The following TRIO variants were observed in gnomAD, a reference collection of about 807,000 sequenced individuals.
TRIO encodes the protein triple functional domain protein.
TRIO carries 58 observed loss-of-function variants against 351.9 expected under a neutral mutation model. The ratio of observed to expected loss-of-function variants is 0.16; its 90% CI spans 0.13 to 0.21. The LOEUF is 0.21. Ranked by LOEUF, TRIO falls within the 10% of genes least tolerant of loss-of-function variation. The probability of loss-of-function intolerance (pLI) is 1.00; values close to 1 mark genes in which losing one functional copy is unlikely to be tolerated. For synonymous variants in TRIO, 1,758 were observed against 1,595.7 expected (o/e 1.10, Z -2.42); for missense variants, 3,201 against 4,027.8 (o/e 0.79, Z 5.56).
At chr5:14,405,572 G>C (rs1748632522) in intron 31 of TRIO, among the ~76,000 whole-genome samples, 1 of 152,208 alleles carries the variant, frequency 6.6e-6, no homozygotes, top group South Asian at 2.1e-4. Flanking sequence ...GCCCAGGGCT[G>C]CTTAAAAGGT....
chr5:14,422,596 A>C (rs533256679), intron 34 of TRIO, among the ~76,000 whole-genome samples: 3 of 152,236 alleles, frequency 2.0e-5, no homozygotes, highest in Non-Finnish European at 4.4e-5. Context: ...GCTCAGGTTC[A>C]CGTGGTGGTT....
At chr5:14,485,857 G>A (rs545363737) in intron 47 of TRIO, among the ~76,000 whole-genome samples, 66 of 152,224 alleles carry the variant, frequency 4.3e-4, no homozygotes, top group African/African-American at 1.2e-3. Flanking sequence ...GCGTGGTGGC[G>A]CATGCCTGTA....
chr5:14,195,893 G>C (rs377715441), intron 1 of TRIO, among the ~76,000 whole-genome samples: 14 of 152,098 alleles, frequency 9.2e-5, no homozygotes, highest in South Asian at 6.2e-4. Flanking sequence ...CTTTCAGTGT[G>C]GGGGTGGGGA....
At chr5:14,192,400 C>T (rs991829283) in intron 1 of TRIO, among the ~76,000 whole-genome samples, 3 of 151,970 alleles carry the variant, frequency 2.0e-5, no homozygotes, top group African/African-American at 7.3e-5. Context: ...GCTGGGACTA[C>T]AGGTGTATGT....
At chr5:14,366,807 A>C (rs1449406851) in intron 15 of TRIO, 53 bp from the exon 16 acceptor site, 2 of 1,610,818 alleles carry the variant, frequency 1.2e-6, no homozygotes, top group Admixed American at 1.7e-5. Flanking sequence ...CTGGTGGTCC[A>C]CAGGATTCTC....
At chr5:14,349,363 C>T (rs1254231254) in intron 11 of TRIO, among the ~76,000 whole-genome samples, 2 of 152,006 alleles carry the variant, frequency 1.3e-5, no homozygotes, top group African/African-American at 4.8e-5. Flanking sequence ...CATATGTGTG[C>T]ACACATGTGA....
At chr5:14,440,292 G>C (rs144133925) in intron 34 of TRIO, among the ~76,000 whole-genome samples, 23 of 152,154 alleles carry the variant, frequency 1.5e-4, no homozygotes, top group African/African-American at 4.6e-4. Context: ...GTGACTTTTC[G>C]TCAGACCAAG....
chr5:14,431,723 A>G (rs546460274), intron 34 of TRIO, among the ~76,000 whole-genome samples: 20 of 152,310 alleles, frequency 1.3e-4, no homozygotes, highest in African/African-American at 4.8e-4. Context: ...GCCATAGCAA[A>G]ATCCCAGAGC....
chr5:14,227,425 T>C (rs1229854893), intron 1 of TRIO, among the ~76,000 whole-genome samples: 1 of 152,222 alleles, frequency 6.6e-6, no homozygotes, highest in Non-Finnish European at 1.5e-5. Flanking sequence ...ACTCTAGACT[T>C]CTGATGGACC....
At chr5:14,394,179 A>T in intron 28 of TRIO, 49 bp downstream of exon 28, 1 of 1,178,300 alleles carries the variant, frequency 8.5e-7, no homozygotes, top group Non-Finnish European at 1.2e-6. Flanking sequence ...ATTATGTATT[A>T]TTTTGACATT....
chr5:14,366,304 A>G (rs1744584422), intron 15 of TRIO, among the ~76,000 whole-genome samples: 1 of 152,142 alleles, frequency 6.6e-6, no homozygotes, highest in Non-Finnish European at 1.5e-5. Flanking sequence ...CCACTGTTAG[A>G]ATTTACTTCC....
chr5:14,384,244 T>G (rs1236075023), intron 21 of TRIO, among the ~76,000 whole-genome samples: 1 of 152,148 alleles, frequency 6.6e-6, no homozygotes, highest in African/African-American at 2.4e-5. Flanking sequence ...ACAGCCTTCT[T>G]CCCATAGGGC....
At chr5:14,407,258 C>A (rs1748810066) in intron 33 of TRIO, among the ~76,000 whole-genome samples, 1 of 152,074 alleles carries the variant, frequency 6.6e-6, no homozygotes, top group Non-Finnish European at 1.5e-5. Context: ...CAAGCAGACA[C>A]GAGTTTCAGA....
chr5:14,297,025 C>T (rs906372034), intron 6 of TRIO, 47 bp from the exon 7 acceptor site: 6 of 1,545,516 alleles, frequency 3.9e-6, no homozygotes, highest in Non-Finnish European at 5.3e-6. Context: ...AGGGAGCCTC[C>T]TATTTGCTCT....
chr5:14,507,779 C>A, intron 56 of TRIO, 101 bp from the exon 57 acceptor site: 1 of 1,410,148 alleles, frequency 7.1e-7, no homozygotes, highest in Non-Finnish European at 9.5e-7. Context: ...TCCTAGTTGA[C>A]ATCCTAGATT....
intron 11 of TRIO, among the ~76,000 whole-genome samples, chr5:14,356,356 AG>A (rs1743611488): frequency 6.6e-6 from 1 of 152,256 alleles, no homozygotes; most frequent in Non-Finnish European, 1.5e-5. Flanking sequence ...TGACAGCAAA[AG>A]AACACTTAAA....
At chr5:14,349,354 A>G (rs867036853) in intron 11 of TRIO, among the ~76,000 whole-genome samples, 11 of 151,742 alleles carry the variant, frequency 7.2e-5, no homozygotes, top group Non-Finnish European at 1.6e-4. Context: ...TTTTTCCTGC[A>G]TATGTGTGCA....
At position 14,368,783 on chromosome 5, in the gene TRIO, A is replaced by C. The variant is rs760337633; in HGVS notation, c.2950A>C (p.Met984Leu). 6.2e-7 allele frequency: 1 copy of C among 1,614,034 alleles called. No individual in the cohort carries two copies. Among genetic ancestry groups the C allele is most frequent in the South Asian group, 1.1e-5 (1 of 91,084 alleles). ...ACAGGCCAACCACTACGACATGGACATGATCCGGGACTGCGCCGAGAAGGT... is the reference window on the plus strand; with the variant it reads ...ACAGGCCAACCACTACGACATGGACCTGATCCGGGACTGCGCCGAGAAGGT... ...MLQANHYDMDMIRDCAEKVAS... is the reference protein window; with the variant it reads ...MLQANHYDMDLIRDCAEKVAS... Residue 984 changes from methionine to leucine, a missense_variant, in exon 17 of 57, where the codon ATG becomes CTG. By Grantham distance (15) the Met-to-Leu change is conservative. Coordinates refer to ENST00000344204, the MANE Select transcript of TRIO (RefSeq NM_007118.4).
chr5:14,399,102 A>C, intron 30 of TRIO, 32 bp downstream of exon 30: 1 of 1,585,436 alleles, frequency 6.3e-7, no homozygotes, highest in African/African-American at 1.3e-5. Context: ...TGTAAGTCTA[A>C]AGGTAACACA....
Sources: gnomAD v4.1 joint callset for allele counts (sites outside exome capture counted in the v4.1 genomes callset) on GRCh38, gnomAD v4.1.1 for gene constraint, MANE v1.5 for transcripts, NCBI Gene and HGNC (gene_info 2026-07-23, HGNC 2026-07-21) for gene names.